Variants in NBPF14 observed in about 807,000 individuals in gnomAD.
NBPF14 encodes the protein NBPF member 14.
In NBPF14, 104 loss-of-function variants were observed where a neutral mutation model predicts 91.2. The observed-to-expected ratio is 1.14, with a 90% CI of 0.97 to 1.34. NBPF14 has a LOEUF of 1.34. Among genes scored for constraint, NBPF14 ranks in the 40% most tolerant of loss-of-function variants. The pLI is 0.00. For missense variants in NBPF14, 908 were observed against 783.0 expected (o/e 1.16, Z -1.91); for synonymous variants, 294 against 303.8 (o/e 0.97, Z 0.34).
At chr1:148,534,955 G>C (rs1393895610) in intron 68 of NBPF14, 99 bp from the exon 69 acceptor site, 14 of 744,216 alleles carry the variant, frequency 1.9e-5, no homozygotes, top group South Asian at 2.8e-5. Context: ...AGTTTAAAAA[G>C]AAAAAGGACA....
At chr1:148,535,025 G>C (rs1289178154) in intron 68 of NBPF14, among the ~76,000 whole-genome samples, 169 bp from the exon 69 acceptor site, 9 of 147,226 alleles carry the variant, frequency 6.1e-5, no homozygotes, top group African/African-American at 8.0e-5. Flanking sequence ...GGGCCAGGTA[G>C]AAAAGAATGA....
At chr1:148,586,272 A>G (rs2149564904) in exon 9 of NBPF14, 1 of 613,850 alleles carries the variant, frequency 1.6e-6, no homozygotes, top group South Asian at 2.0e-5. Flanking sequence ...GAGCTTTTGG[A>G]CAAGGTGCTG....
intron 34 of NBPF14, among the ~76,000 whole-genome samples, chr1:148,561,790 C>T (rs1421657407): frequency 8.0e-6 from 1 of 125,152 alleles, no homozygotes; most frequent in Non-Finnish European, 1.6e-5. Context: ...CACACACACA[C>T]ACACACACAC....
chr1:148,559,375 T>G (rs1298237914), intron 37 of NBPF14, among the ~76,000 whole-genome samples: 7 of 132,464 alleles, frequency 5.3e-5, no homozygotes, highest in Middle Eastern at 3.6e-3. Flanking sequence ...TGCCCCCAAA[T>G]GGTTGCTAGG....
chr1:148,533,408 G>C (rs1406494523), intron 70 of NBPF14, among the ~76,000 whole-genome samples, 160 bp from the exon 71 acceptor site: 5 of 149,762 alleles, frequency 3.3e-5, no homozygotes, highest in Non-Finnish European at 5.9e-5. Context: ...TGTTGGGATA[G>C]AACAGGGCCA....
At position 148,587,508 on chromosome 1, in the gene NBPF14, C is replaced by A. The variant is rs1294350251; in HGVS notation, c.989-105G>T. The A allele has an allele frequency of 7.5e-5, 88 of 1,175,722 alleles. 2 individuals are homozygous for A. The highest frequency in any genetic ancestry group is 6.6e-4 in the African/African-American group (43 of 65,350). The allele number at this position is 1,175,722 out of a possible 1,614,324, so 72.8% of individuals were successfully genotyped here. ...GTCCATCCCAAGGACAAAACTCTCCCCAGTACCAGGGTCTAGACAGGGATT... is the reference window on the plus strand; with the variant it reads ...GTCCATCCCAAGGACAAAACTCTCCACAGTACCAGGGTCTAGACAGGGATT... On this transcript the variant is annotated intron_variant, in intron 7 of 70. Transcript: ENST00000619423.
intron 3 of NBPF14, among the ~76,000 whole-genome samples, chr1:148,593,164 C>A (rs1486432323): frequency 2.7e-5 from 4 of 146,448 alleles, no homozygotes; most frequent in African/African-American, 1.0e-4. Flanking sequence ...GCAGATGGGG[C>A]GAATTGAAAA....
intron 68 of NBPF14, 60 bp downstream of exon 68, chr1:148,535,393 T>G: frequency 2.0e-6 from 1 of 510,888 alleles, no homozygotes; most frequent in East Asian, 3.6e-5. Context: ...TTGTTTTCCC[T>G]GGACCTGGCA....
At chr1:148,577,111 A>G (rs1299419798) in intron 15 of NBPF14, 72 bp downstream of exon 15, 2 of 614,640 alleles carry the variant, frequency 3.3e-6, no homozygotes, top group Non-Finnish European at 5.8e-6. Flanking sequence ...AGTAAGGGCC[A>G]CTTGCAGTAG....
chr1:148,557,782 T>C (rs1230954624), intron 39 of NBPF14, among the ~76,000 whole-genome samples: 1 of 118,268 alleles, frequency 8.5e-6, no homozygotes, highest in Non-Finnish European at 1.6e-5. Flanking sequence ...TTATCCCAAG[T>C]TTGTGCAAAC....
At chr1:148,591,525 TTCAGA>T in intron 4 of NBPF14, 21 bp from the exon 5 acceptor site, 1 of 1,610,314 alleles carries the variant, frequency 6.2e-7, no homozygotes, top group East Asian at 2.2e-5. Flanking sequence ...AAAATGTTCG[TTCAGA>T]TATTTCCCAC....
intron 14 of NBPF14, among the ~76,000 whole-genome samples, chr1:148,577,713 C>G (rs1660165379): frequency 6.9e-6 from 1 of 144,490 alleles, no homozygotes; most frequent in Non-Finnish European, 1.5e-5. Context: ...AATAATTTTG[C>G]ATAAAATGTG....
At chr1:148,561,893 C>G (rs1215906962) in intron 34 of NBPF14, among the ~76,000 whole-genome samples, 1 of 129,338 alleles carries the variant, frequency 7.7e-6, no homozygotes, top group South Asian at 2.5e-4. Context: ...GAGGGAGTAA[C>G]AGGACACTCT....
In NBPF14 at chr1:148,572,614, G is replaced by T. The variant is rs1291068807; in HGVS notation, c.2587C>A (p.Leu863Ile). 5.1e-5 allele frequency: 29 copies of T among 567,960 alleles called. 4 individuals carry two copies. The highest frequency in any genetic ancestry group is 7.9e-5 in the Non-Finnish European group (26 of 328,644). 35.2% of individuals were successfully genotyped at this position (567,960 alleles called of 1,614,324 possible). Residue 863 changes from leucine (L) to isoleucine (I), a missense_variant and splice_region_variant, in exon 21 of 71, where the codon CTC (leucine) becomes ATC (isoleucine). Physicochemically the swap from Leu to Ile is conservative, Grantham distance 5. Around this residue, in one of 13 missense-constraint regions of NBPF14, gnomAD observed 447 missense variants for 189.1 expected, o/e 2.36. Coordinates refer to ENST00000619423, the Ensembl canonical transcript of NBPF14. Reference sequence around the variant, plus strand: ...TTCTCATCCAGCAGCTCCCTGCTGAGCCTGGAAAAGTGGGAAAAAGTAAAG... The same window carrying T: ...TTCTCATCCAGCAGCTCCCTGCTGATCCTGGAAAAGTGGGAAAAAGTAAAG...
rs1395677320 is a variant in NBPF14, at chr1:148,539,306, G to A, written c.7882+104C>T. On this transcript the variant is annotated intron_variant, in intron 63 of 70. Coordinates refer to ENST00000619423, the Ensembl canonical transcript of NBPF14. ...ATATGCGCCCATAGGTCCTGACTGC[G>A]GCAATGACGTCTCTCGGGTCAGTAA... 3.5e-5 allele frequency: 22 copies of A among 627,094 alleles called. 3 individuals are homozygous for A. Among genetic ancestry groups the A allele is most frequent in the East Asian group, 6.6e-5 (2 of 30,384 alleles). 38.8% of individuals were successfully genotyped at this position (627,094 alleles called of 1,614,324 possible). A position where few individuals can be genotyped will look rare whatever the true frequency, so the allele number is the denominator to read the frequency against.
In NBPF14 at chr1:148,534,621, G is replaced by A. The variant is rs1208927002; in HGVS notation, c.8614+63C>T. 6.8e-5 allele frequency: 62 copies of A among 905,876 alleles called. 3 individuals carry two copies. Among genetic ancestry groups the A allele is most frequent in the Admixed American group, 5.5e-4 (32 of 58,550 alleles). 56.1% of individuals were successfully genotyped at this position (905,876 alleles called of 1,614,324 possible). On this transcript the variant is annotated intron_variant, in intron 69 of 70. Transcript: ENST00000619423. The stretch of plus-strand genomic sequence containing the variant: ...GGGTGAGTAAGGGCCACTTGGAATA[G>A]GAATATCACCCCTATCTGGAAGACC...
intron 43 of NBPF14, among the ~76,000 whole-genome samples, chr1:148,554,782 A>C (rs1570930370): frequency 6.8e-6 from 1 of 146,918 alleles, no homozygotes; most frequent in East Asian, 2.0e-4. Flanking sequence ...AAGATCTACA[A>C]AATTGAGACA....
chr1:148,559,438 T>C (rs1306785170), intron 37 of NBPF14, among the ~76,000 whole-genome samples: 1 of 133,464 alleles, frequency 7.5e-6, no homozygotes, highest in East Asian at 2.3e-4. Context: ...TTGTTCATGG[T>C]AGCGAGGATT....
intron 6 of NBPF14, among the ~76,000 whole-genome samples, chr1:148,590,259 G>C (rs1345460970): frequency 7.3e-6 from 1 of 137,392 alleles, no homozygotes; most frequent in African/African-American, 2.7e-5. Context: ...GGGTTTCACC[G>C]TGTTAGCCAG....
Sources: allele counts gnomAD v4.1 joint callset (sites outside exome capture counted in the v4.1 genomes callset), GRCh38; gene constraint gnomAD v4.1.1; regional missense constraint gnomAD v4.1.1; transcripts MANE v1.5; gene names NCBI Gene and HGNC (gene_info 2026-07-23, HGNC 2026-07-21).